KCNQ5: variants seen among roughly 807,000 people sequenced by gnomAD.
The protein encoded by KCNQ5 is potassium voltage-gated channel subfamily KQT member 5.
Under a neutral mutation model 98.2 loss-of-function variants are expected in KCNQ5, and 30 were observed. That is an observed-to-expected ratio of 0.31 (90% CI 0.23 to 0.41). The LOEUF is 0.41. KCNQ5 is among the 10% of genes least tolerant of loss of function. KCNQ5 has a pLI of 1.00. For missense variants in KCNQ5, 835 were observed against 1,182.5 expected, an observed-to-expected ratio of 0.71 and a Z score of 4.31; for synonymous variants, 458 against 449.4, an observed-to-expected ratio of 1.02 and a Z score of -0.24.
intron 9 of KCNQ5, among the ~76,000 whole-genome samples, chr6:73,126,371 T>A (rs9360641): frequency 0.94 from 142,468 of 152,260 alleles, 66,762 homozygotes; most frequent in South Asian, 0.99. Flanking sequence ...GAAGGAGGGG[T>A]CACCTTGGGC....
Position 73,133,406 on chromosome 6 carries a change from C to A in KCNQ5, c.1248-15C>A, listed in dbSNP as rs777906512. On this transcript the variant is annotated splice_polypyrimidine_tract_variant and intron_variant, in intron 9 of 13. Coordinates refer to ENST00000370398, the MANE Select transcript of KCNQ5 (RefSeq NM_019842.4). ...ATTGCTTGAAATGGAATAATCATGCCTCTGTTCTCCACAGTCAGAAGCTAA... is the reference window on the plus strand; with the variant it reads ...ATTGCTTGAAATGGAATAATCATGCATCTGTTCTCCACAGTCAGAAGCTAA... The A allele has an allele frequency of 3.7e-5, 60 of 1,611,052 alleles. No homozygotes were observed. The highest frequency in any genetic ancestry group is 4.8e-5 in the Non-Finnish European group (56 of 1,177,522).
chr6:72,866,123 A>G (rs760271091), intron 1 of KCNQ5, among the ~76,000 whole-genome samples: 2 of 152,138 alleles, frequency 1.3e-5, no homozygotes, highest in Non-Finnish European at 2.9e-5. Context: ...CAGAGGTCAC[A>G]TAATATAAAA....
chr6:72,684,369 C>T (rs563326551), intron 1 of KCNQ5, among the ~76,000 whole-genome samples: 6 of 152,302 alleles, frequency 3.9e-5, no homozygotes, highest in East Asian at 3.9e-4. Flanking sequence ...AGAGCCTACA[C>T]CGACAAAGTA....
chr6:72,768,012 A>C (rs1772667353), intron 1 of KCNQ5, among the ~76,000 whole-genome samples: 1 of 152,072 alleles, frequency 6.6e-6, no homozygotes. Context: ...GAGAAATGAA[A>C]ACATATGTCC....
rs117481479 is a variant in KCNQ5, at chr6:73,065,865, G to A, written c.617-11457G>A. Among the ~76,000 whole-genome samples the A allele has an allele frequency of 2.3e-4, 35 of 152,300 alleles. No homozygotes were observed. The East Asian group carries it at 6.0e-3, about 26-fold the overall frequency. On this transcript the variant is annotated intron_variant, in intron 3 of 13. Transcript: ENST00000370398. ...TGAGACAACCGAAAATACTAAAAAC[G>A]GCCGGGCTCAGTGGCTCACGCCTAT...
At chr6:73,122,784 A>G (rs1182786708) in intron 8 of KCNQ5, among the ~76,000 whole-genome samples, 2 of 152,238 alleles carry the variant, frequency 1.3e-5, no homozygotes, top group Non-Finnish European at 2.9e-5. Context: ...GAGAAAATCA[A>G]TACTTTGCCT....
intron 1 of KCNQ5, among the ~76,000 whole-genome samples, chr6:72,698,777 C>G (rs1768650001): frequency 6.7e-6 from 1 of 149,742 alleles, no homozygotes; most frequent in African/African-American, 2.5e-5. Flanking sequence ...GTCTCAGCAT[C>G]CTGAGTAGCT....
chr6:73,074,229 A>G (rs541424764), intron 3 of KCNQ5, among the ~76,000 whole-genome samples: 1 of 152,358 alleles, frequency 6.6e-6, no homozygotes, highest in East Asian at 1.9e-4. Context: ...TAGTAAATAC[A>G]TAAATAGAAG....
chr6:72,675,735 T>C (rs1426926696), intron 1 of KCNQ5, among the ~76,000 whole-genome samples: 1 of 152,224 alleles, frequency 6.6e-6, no homozygotes. Context: ...TTCATGGCCC[T>C]TATTTCACTC....
chr6:73,160,452 G>A (rs541973117), intron 10 of KCNQ5, among the ~76,000 whole-genome samples: 1 of 152,304 alleles, frequency 6.6e-6, no homozygotes, highest in South Asian at 2.1e-4. Context: ...TGATGGCTGC[G>A]AGTAGAAGAC....
At chr6:72,677,148 C>T (rs1460641107) in intron 1 of KCNQ5, 1 of 152,208 alleles carries the variant, frequency 6.6e-6, no homozygotes, top group Admixed American at 6.5e-5. Flanking sequence ...TACTACCCTG[C>T]TCCTCCGTGT....
At chr6:72,863,782 A>G (rs2796003) in intron 1 of KCNQ5, among the ~76,000 whole-genome samples, 102,393 of 152,118 alleles carry the variant, frequency 0.67, 35,810 homozygotes, top group South Asian at 0.82. Context: ...ATCAGAAAAA[A>G]TAAATGTATT....
At chr6:72,985,184 C>A (rs910772964) in intron 1 of KCNQ5, among the ~76,000 whole-genome samples, 1 of 151,990 alleles carries the variant, frequency 6.6e-6, no homozygotes, top group East Asian at 1.9e-4. Context: ...CCAGTGTGGG[C>A]GACAGCGCAA....
At chr6:73,038,458 G>A (rs1395723627) in intron 2 of KCNQ5, among the ~76,000 whole-genome samples, 2 of 151,826 alleles carry the variant, frequency 1.3e-5, no homozygotes, top group Non-Finnish European at 2.9e-5. Flanking sequence ...CTTAATGTTG[G>A]GGAAAAGCAT....
chr6:72,953,644 T>A (rs1396874135), intron 1 of KCNQ5, among the ~76,000 whole-genome samples: 1 of 152,150 alleles, frequency 6.6e-6, no homozygotes, highest in Non-Finnish European at 1.5e-5. Flanking sequence ...CTTCTGTAAC[T>A]AAGAAATCTT....
At chr6:72,973,604 T>C (rs1201694533) in intron 1 of KCNQ5, among the ~76,000 whole-genome samples, 1 of 152,210 alleles carries the variant, frequency 6.6e-6, no homozygotes, top group Non-Finnish European at 1.5e-5. Context: ...ATACCTATTA[T>C]GAGTAATAGT....
At chr6:73,037,906 A>C (rs1015728487) in intron 2 of KCNQ5, among the ~76,000 whole-genome samples, 6 of 151,822 alleles carry the variant, frequency 4.0e-5, no homozygotes, top group Non-Finnish European at 8.8e-5. Flanking sequence ...TCTACCCCCC[A>C]AAAAAAACTT....
At chr6:72,762,865 A>G (rs1772357394) in intron 1 of KCNQ5, among the ~76,000 whole-genome samples, 1 of 152,048 alleles carries the variant, frequency 6.6e-6, no homozygotes, top group African/African-American at 2.4e-5. Flanking sequence ...TTGGCCTATC[A>G]TTGTCACTTA....
intron 1 of KCNQ5, among the ~76,000 whole-genome samples, chr6:72,830,513 G>A (rs1416257286): frequency 6.6e-6 from 1 of 152,116 alleles, no homozygotes; most frequent in Admixed American, 6.5e-5. Flanking sequence ...AATGGTGCTG[G>A]GAAAACTGGC....
Sources: allele counts gnomAD v4.1 joint callset (sites outside exome capture counted in the v4.1 genomes callset), GRCh38; gene constraint gnomAD v4.1.1; transcripts MANE v1.5; gene names NCBI Gene and HGNC (gene_info 2026-07-23, HGNC 2026-07-21).